Variants in NAMPT observed in about 807,000 individuals in gnomAD.
The protein encoded by NAMPT is NAmPRTase.
NAMPT carries 7 observed loss-of-function variants against 58.7 expected under a neutral mutation model. That is an observed-to-expected ratio of 0.12 (90% CI 0.07 to 0.22). The LOEUF is 0.22. Ranked by LOEUF, NAMPT falls within the 10% of genes least tolerant of loss-of-function variation. The probability of loss-of-function intolerance (pLI) is 1.00; values close to 1 mark genes in which losing one functional copy is unlikely to be tolerated. For synonymous variants in NAMPT, 145 were observed against 198.1 expected (o/e 0.73, Z 2.25); for missense variants, 271 against 567.9 (o/e 0.48, Z 5.31).
In NAMPT at chr7:106,271,679, C is replaced by A. The variant is rs994210038; in HGVS notation, c.447+851G>T. Among the ~76,000 whole-genome samples, 4 of 151,928 alleles carry A rather than the reference C, an allele frequency of 2.6e-5. No individual in the cohort carries two copies. In the South Asian group the frequency reaches 8.3e-4, roughly 32 times the overall value. ...ACTTAGCAAAATGTGTTTCAAACAC[C>A]CTCTTGGACCTCTTATATTTCGATG... On this transcript the variant is annotated intron_variant, in intron 4 of 10. Transcript: ENST00000222553.
Position 106,253,438 on chromosome 7 carries a change from G to C in NAMPT, c.1231-287C>G, listed in dbSNP as rs1010651574. The C allele has an allele frequency of 7.0e-5, 22 of 313,864 alleles. No homozygotes were observed. In the East Asian group the frequency reaches 1.5e-3, roughly 21 times the overall value. 19.4% of individuals were successfully genotyped at this position (313,864 alleles called of 1,614,324 possible). A position where few individuals can be genotyped will look rare whatever the true frequency, so the allele number is the denominator to read the frequency against. On this transcript the variant is annotated intron_variant, in intron 9 of 10. Coordinates refer to ENST00000222553, the MANE Select transcript of NAMPT (RefSeq NM_005746.3). ...GAAGTCTGTGAGCATTCTAACATGT[G>C]ACCCTTAAGGTATCTCTTTATATTA...
intron 6 of NAMPT, among the ~76,000 whole-genome samples, chr7:106,265,146 T>C (rs73720628): frequency 0.061 from 9,234 of 152,172 alleles, 439 homozygotes; most frequent in African/African-American, 0.13. Context: ...GAAGCTCCTC[T>C]TCATATTCAG....
At chr7:106,259,025 G>T (rs574390025) in intron 8 of NAMPT, among the ~76,000 whole-genome samples, 1 of 152,262 alleles carries the variant, frequency 6.6e-6, no homozygotes, top group East Asian at 1.9e-4. Flanking sequence ...ACCCTGCTTT[G>T]GTTTTATCAA....
intron 2 of NAMPT, 99 bp from the exon 3 acceptor site, chr7:106,275,148 T>C: frequency 1.5e-6 from 1 of 678,670 alleles, no homozygotes; most frequent in Non-Finnish European, 2.5e-6. Flanking sequence ...TCACCCATTC[T>C]ATGGATTAAA....
intron 4 of NAMPT, among the ~76,000 whole-genome samples, chr7:106,269,764 T>C (rs530171803): frequency 6.6e-6 from 1 of 152,202 alleles, no homozygotes; most frequent in South Asian, 2.1e-4. Flanking sequence ...TTGGATCAAA[T>C]AGGGCATGAA....
chr7:106,262,224 G>A (rs2115754410), intron 7 of NAMPT, among the ~76,000 whole-genome samples: 1 of 152,118 alleles, frequency 6.6e-6, no homozygotes, highest in South Asian at 2.1e-4. Flanking sequence ...GTTCTCCTTT[G>A]CTCTTAAAGC....
chr7:106,285,481 G>C, upstream of NAMPT: 1 of 937,446 alleles, frequency 1.1e-6, no homozygotes, highest in African/African-American at 1.8e-5. Flanking sequence ...ACGCCACCCG[G>C]CTAGGGGGCG....
intron 8 of NAMPT, among the ~76,000 whole-genome samples, chr7:106,259,428 A>G (rs968197158): frequency 6.6e-6 from 1 of 151,978 alleles, no homozygotes; most frequent in Non-Finnish European, 1.5e-5. Flanking sequence ...ACTTAAGAAT[A>G]TATTTCTTCT....
chr7:106,263,679 C>A, intron 6 of NAMPT, 62 bp from the exon 7 acceptor site: 1 of 1,235,510 alleles, frequency 8.1e-7, no homozygotes, highest in Non-Finnish European at 1.2e-6. Context: ...CCCTGAATCA[C>A]CTTTAATCAT....
chr7:106,272,638 T>C lies in NAMPT; in HGVS notation c.339A>G (p.Pro113=). The C allele has an allele frequency of 6.2e-7, 1 of 1,613,310 alleles. No homozygotes were observed. The highest frequency in any genetic ancestry group is 1.7e-5 in the Admixed American group (1 of 60,014). The change falls in exon 4 of 11, where the codon CCA becomes CCG. Residue 113 remains proline, a synonymous_variant. Coordinates refer to ENST00000222553, the MANE Select transcript of NAMPT (RefSeq NM_005746.3). The stretch of plus-strand genomic sequence containing the variant: ...CCTCAGGAACAGCTTTTATTTCTAT[T>C]GGAAGATGCCCATCATACTTCTGGC... ...YILEKYDGHL[P]IEIKAVPEGF... is the part of the protein sequence containing the mutation.
chr7:106,271,244 G>A (rs1231816881), intron 4 of NAMPT, among the ~76,000 whole-genome samples: 2 of 152,052 alleles, frequency 1.3e-5, no homozygotes, highest in Admixed American at 6.5e-5. Flanking sequence ...CTTTTATGCT[G>A]CAGTCCCCAT....
At chr7:106,264,526 C>A (rs994318975) in intron 6 of NAMPT, among the ~76,000 whole-genome samples, 3 of 151,918 alleles carry the variant, frequency 2.0e-5, no homozygotes, top group African/African-American at 7.3e-5. Context: ...AATCTGAAAT[C>A]CAGTTCTGAA....
At chr7:106,254,602 G>C in intron 8 of NAMPT, 98 bp from the exon 9 acceptor site, 1 of 1,341,200 alleles carries the variant, frequency 7.5e-7, no homozygotes, top group Admixed American at 2.0e-5. Context: ...AAGCATCCAA[G>C]ACTGTTTTAT....
intron 1 of NAMPT, among the ~76,000 whole-genome samples, chr7:106,279,429 G>GGGT (rs3082054): frequency 0.51 from 77,643 of 151,742 alleles, 22,833 homozygotes; most frequent in East Asian, 0.9. Flanking sequence ...CTACTTATAG[G>GGGT]GGTATATGTA....
intron 4 of NAMPT, chr7:106,272,148 A>C (rs1792547283): frequency 2.8e-6 from 1 of 358,256 alleles, no homozygotes; most frequent in Non-Finnish European, 5.6e-6. Context: ...TAGAAGTTGG[A>C]ATAAAGTTCC....
intron 4 of NAMPT, among the ~76,000 whole-genome samples, chr7:106,270,921 A>G (rs1174446989): frequency 6.6e-6 from 1 of 152,184 alleles, no homozygotes; most frequent in East Asian, 1.9e-4. Flanking sequence ...CACAATAGAA[A>G]ATCAGTACAA....
At chr7:106,269,383 T>A in intron 4 of NAMPT, 71 bp from the exon 5 acceptor site, 4 of 338,922 alleles carry the variant, frequency 1.2e-5, no homozygotes, top group African/African-American at 3.0e-5. Context: ...AAATCCTAGC[T>A]TTTTTTTTTT....
intron 6 of NAMPT, among the ~76,000 whole-genome samples, chr7:106,264,227 C>T (rs1276361615): frequency 2.0e-5 from 3 of 151,852 alleles, no homozygotes; most frequent in Non-Finnish European, 2.9e-5. Context: ...TTATCTACTA[C>T]GAATTAATAT....
intron 1 of NAMPT, among the ~76,000 whole-genome samples, chr7:106,282,451 C>T (rs1792784520): frequency 6.6e-6 from 1 of 152,120 alleles, no homozygotes; most frequent in Non-Finnish European, 1.5e-5. Context: ...CAACCTACAC[C>T]GGACAGCACA....
Sources: allele counts gnomAD v4.1 joint callset (sites outside exome capture counted in the v4.1 genomes callset), GRCh38; gene constraint gnomAD v4.1.1; transcripts MANE v1.5; gene names NCBI Gene and HGNC (gene_info 2026-07-23, HGNC 2026-07-21).